Variants in RRAS2 observed in about 807,000 individuals in gnomAD.
RRAS2 encodes ras-related protein R-Ras2.
In RRAS2, 7 loss-of-function variants were observed where a neutral mutation model predicts 27.6. The ratio of observed to expected loss-of-function variants is 0.25; its 90% CI spans 0.14 to 0.48. The LOEUF is 0.48. Ranked by LOEUF, RRAS2 falls within the 20% of genes least tolerant of loss-of-function variation. The probability of loss-of-function intolerance (pLI) is 0.99; values close to 1 mark genes in which losing one functional copy is unlikely to be tolerated. For missense variants in RRAS2, 178 were observed against 256.2 expected, an observed-to-expected ratio of 0.69 and a Z score of 2.08; for synonymous variants, 86 against 90.9, an observed-to-expected ratio of 0.95 and a Z score of 0.31.
chr11:14,325,733 T>C (rs1473366574), intron 1 of RRAS2, among the ~76,000 whole-genome samples: 1 of 152,256 alleles, frequency 6.6e-6, no homozygotes, highest in Non-Finnish European at 1.5e-5. Context: ...CTTAAAAAAA[T>C]TTAATGTTTG....
intron 1 of RRAS2, among the ~76,000 whole-genome samples, chr11:14,334,157 CTTG>C (rs1848542950): frequency 6.6e-6 from 1 of 152,154 alleles, no homozygotes; most frequent in Admixed American, 6.5e-5. Context: ...TTTAATTCAG[CTTG>C]TTGATTTCCA....
At chr11:14,284,853 G>C (rs1487313770) in intron 4 of RRAS2, among the ~76,000 whole-genome samples, 1 of 152,112 alleles carries the variant, frequency 6.6e-6, no homozygotes, top group Non-Finnish European at 1.5e-5. Context: ...AATAATTAAA[G>C]TAGCTATATA....
chr11:14,358,713 G>GC lies in RRAS2; in HGVS notation c.108+49dup. On this transcript the variant is annotated intron_variant, in intron 1 of 5. Transcript: ENST00000256196. The surrounding 1 kb of genome is among the most constrained non-coding windows in gnomAD (Gnocchi z 5.1). ...GGCCGCCCCGCCACAGGTAGCGCCA[G>GC]CCCCCGCCCGCCGCCGCTCCGGCGC... 1.7e-6 allele frequency: 2 copies of GC among 1,164,348 alleles called. No homozygotes were observed. Among genetic ancestry groups the GC allele is most frequent in the Non-Finnish European group, 1.1e-6 (1 of 941,002 alleles). The allele number at this position is 1,164,348 out of a possible 1,614,324, so 72.1% of individuals were successfully genotyped here.
chr11:14,354,969 G>A (rs546810067), intron 1 of RRAS2, among the ~76,000 whole-genome samples: 10 of 152,026 alleles, frequency 6.6e-5, no homozygotes, highest in Non-Finnish European at 8.8e-5. Context: ...GAGCCACCAC[G>A]CCCAGCCAAC....
At chr11:14,287,026 C>T (rs184049116) in intron 4 of RRAS2, among the ~76,000 whole-genome samples, 1 of 152,322 alleles carries the variant, frequency 6.6e-6, no homozygotes, top group Admixed American at 6.5e-5. Flanking sequence ...TCCCTTCTCT[C>T]TCAACTCTAC....
chr11:14,287,432 T>C (rs1849691183), intron 4 of RRAS2, among the ~76,000 whole-genome samples: 1 of 152,216 alleles, frequency 6.6e-6, no homozygotes, highest in Non-Finnish European at 1.5e-5. Context: ...TAAATATGAT[T>C]GGGGGAAGGA....
At chr11:14,320,256 ACCTTTGGCAT>A (rs1365851508) in intron 1 of RRAS2, among the ~76,000 whole-genome samples, 5 of 152,146 alleles carry the variant, frequency 3.3e-5, no homozygotes, top group Admixed American at 6.5e-5. Flanking sequence ...AAGCAACTAA[ACCTTTGGCAT>A]CCTGTGAAAC....
intron 1 of RRAS2, among the ~76,000 whole-genome samples, chr11:14,300,138 C>T (rs1231276787): frequency 6.6e-6 from 1 of 152,048 alleles, no homozygotes; most frequent in Non-Finnish European, 1.5e-5. Context: ...AAAGAGTACA[C>T]TGAGGGGAAA....
chr11:14,294,402 C>T, intron 4 of RRAS2, 69 bp downstream of exon 4: 1 of 1,054,706 alleles, frequency 9.5e-7, no homozygotes, highest in Non-Finnish European at 1.4e-6. Context: ...TCAATTATTT[C>T]CTTAAATCTA....
At chr11:14,288,141 T>A (rs1044748832) in intron 4 of RRAS2, among the ~76,000 whole-genome samples, 1 of 152,022 alleles carries the variant, frequency 6.6e-6, no homozygotes, top group Non-Finnish European at 1.5e-5. Context: ...CCACCATGCC[T>A]AATTTTTTTT....
chr11:14,330,988 T>C (rs1470534003), intron 1 of RRAS2, among the ~76,000 whole-genome samples: 1 of 152,176 alleles, frequency 6.6e-6, no homozygotes, highest in Non-Finnish European at 1.5e-5. Context: ...GTGATCATAG[T>C]TCACTGCAGC....
intron 1 of RRAS2, among the ~76,000 whole-genome samples, chr11:14,353,832 T>C (rs557791951): frequency 5.3e-5 from 8 of 152,190 alleles, no homozygotes; most frequent in Non-Finnish European, 1.0e-4. Flanking sequence ...TATCTAGGAA[T>C]TGCCTGCAGG....
At chr11:14,316,266 A>T (rs1370503456) in intron 1 of RRAS2, among the ~76,000 whole-genome samples, 2 of 152,204 alleles carry the variant, frequency 1.3e-5, no homozygotes, top group Admixed American at 6.5e-5. Context: ...TTTTTACTTC[A>T]CTCACATCTG....
intron 1 of RRAS2, among the ~76,000 whole-genome samples, chr11:14,339,411 T>C (rs556909750): frequency 6.6e-6 from 1 of 152,326 alleles, no homozygotes; most frequent in East Asian, 1.9e-4. Flanking sequence ...CTGTGCTCAG[T>C]TCATCAGAAC....
At chr11:14,348,986 G>C (rs566147306) in intron 1 of RRAS2, among the ~76,000 whole-genome samples, 1 of 152,236 alleles carries the variant, frequency 6.6e-6, no homozygotes, top group East Asian at 1.9e-4. Flanking sequence ...TTGTTTTTGA[G>C]ATAGAGTCTC....
In RRAS2 at chr11:14,294,899, T is replaced by C. The variant is rs201804364; in HGVS notation, c.197-37A>G. On this transcript the variant is annotated intron_variant, in intron 2 of 5. Transcript: ENST00000256196. ...ACAACAAATGTAATTATACTTGTTT[T>C]TTATAAACTGCTTCCCCACAAGGGC... is the stretch of plus-strand genomic sequence containing the variant. 5 of 1,581,658 alleles carry C rather than the reference T, an allele frequency of 3.2e-6. No homozygotes were observed. In the East Asian group the frequency reaches 1.1e-4, roughly 35 times the overall value.
intron 1 of RRAS2, among the ~76,000 whole-genome samples, chr11:14,319,915 T>C (rs1564969692): frequency 1.3e-5 from 2 of 152,160 alleles, no homozygotes; most frequent in African/African-American, 4.8e-5. Context: ...GAAAAACATA[T>C]ACGTTATAAA....
At chr11:14,346,792 C>T (rs1030574708) in intron 1 of RRAS2, among the ~76,000 whole-genome samples, 11 of 152,136 alleles carry the variant, frequency 7.2e-5, no homozygotes, top group Non-Finnish European at 1.5e-5. Flanking sequence ...TTTAGTCATT[C>T]CACAATGTAT....
At chr11:14,352,813 T>G (rs1383945767) in intron 1 of RRAS2, among the ~76,000 whole-genome samples, 2 of 151,198 alleles carry the variant, frequency 1.3e-5, no homozygotes, top group African/African-American at 2.4e-5. Context: ...TTTTTTTTTT[T>G]GAGATATAGT....
Sources: gnomAD v4.1 joint callset for allele counts (sites outside exome capture counted in the v4.1 genomes callset) on GRCh38, gnomAD v4.1.1 for gene constraint, Gnocchi (gnomAD v3.1) non-coding constraint, MANE v1.5 for transcripts, NCBI Gene and HGNC (gene_info 2026-07-23, HGNC 2026-07-21) for gene names.